ANO4: variants seen among roughly 807,000 people sequenced by gnomAD.
The protein encoded by ANO4 is anoctamin-4.
ANO4 carries 69 observed loss-of-function variants against 141.9 expected under a neutral mutation model. That is an observed-to-expected ratio of 0.49 (90% CI 0.40 to 0.59). The LOEUF (loss-of-function observed/expected upper bound fraction) is 0.59. Among genes scored for constraint, ANO4 ranks in the 20% least tolerant of loss-of-function variants. The pLI, the probability that ANO4 is intolerant of heterozygous loss-of-function variation, is 0.00. For synonymous variants in ANO4, 350 were observed against 394.3 expected (o/e 0.89, Z 1.33); for missense variants, 894 against 1,162.2 (o/e 0.77, Z 3.36).
intron 1 of ANO4, among the ~76,000 whole-genome samples, chr12:100,874,621 G>C (rs2135937358): frequency 6.6e-6 from 1 of 152,282 alleles, no homozygotes; most frequent in Admixed American, 6.5e-5. Flanking sequence ...CTGGGTTCAA[G>C]TGATGCTCCT....
chr12:100,762,373 G>T (rs79868007), intron 3 of ANO4, among the ~76,000 whole-genome samples: 1 of 152,092 alleles, frequency 6.6e-6, no homozygotes, highest in Non-Finnish European at 1.5e-5. Flanking sequence ...GCCACCTCAG[G>T]CACAATTTGA....
At chr12:100,842,924 CA>C (rs2037358449) in intron 1 of ANO4, among the ~76,000 whole-genome samples, 2 of 152,080 alleles carry the variant, frequency 1.3e-5, no homozygotes, top group Non-Finnish European at 2.9e-5. Flanking sequence ...ACTTTCAAAC[CA>C]TGGTATATTC....
At chr12:100,721,178 A>C (rs550326576) in intron 1 of ANO4, among the ~76,000 whole-genome samples, 2 of 152,084 alleles carry the variant, frequency 1.3e-5, no homozygotes, top group East Asian at 3.9e-4. Flanking sequence ...GTCCAAAACA[A>C]CCCCCATCTT....
chr12:101,040,223 C>G, intron 11 of ANO4, 147 bp downstream of exon 11: 1 of 1,033,622 alleles, frequency 9.7e-7, no homozygotes. Flanking sequence ...GGAAACTCAT[C>G]TGAGGACATC....
At chr12:100,767,444 G>A (rs2033135173) in intron 3 of ANO4, among the ~76,000 whole-genome samples, 1 of 152,110 alleles carries the variant, frequency 6.6e-6, no homozygotes, top group Non-Finnish European at 1.5e-5. Context: ...CAAATTGCTA[G>A]CATCTCATTT....
chr12:101,081,881 T>C (rs1196090297), intron 15 of ANO4, among the ~76,000 whole-genome samples: 2 of 152,162 alleles, frequency 1.3e-5, no homozygotes, highest in African/African-American at 4.8e-5. Context: ...CCTCTTCTTA[T>C]AAAGACACCA....
chr12:100,789,284 C>A (rs1391709860), intron 3 of ANO4, among the ~76,000 whole-genome samples: 1 of 152,076 alleles, frequency 6.6e-6, no homozygotes, highest in Non-Finnish European at 1.5e-5. Flanking sequence ...TCAAGGCCTT[C>A]CCACTCCACT....
At chr12:100,967,053 A>G (rs1336021602) in intron 5 of ANO4, among the ~76,000 whole-genome samples, 5 of 152,074 alleles carry the variant, frequency 3.3e-5, no homozygotes, top group Non-Finnish European at 7.4e-5. Context: ...GAAGGTTTTC[A>G]GTATGTTCTT....
intron 3 of ANO4, among the ~76,000 whole-genome samples, chr12:100,755,659 T>C (rs527636534): frequency 6.6e-6 from 1 of 152,216 alleles, no homozygotes; most frequent in Admixed American, 6.5e-5. Flanking sequence ...TTTTTTATTA[T>C]CTTCATCTAA....
At chr12:101,043,446 A>G in intron 12 of ANO4, 93 bp from the exon 13 acceptor site, 3 of 867,914 alleles carry the variant, frequency 3.5e-6, no homozygotes, top group Non-Finnish European at 5.7e-6. Flanking sequence ...CATTTAACCT[A>G]CTGGATCTTA....
intron 14 of ANO4, among the ~76,000 whole-genome samples, chr12:101,048,899 A>C (rs1047736807): frequency 6.6e-6 from 1 of 152,202 alleles, no homozygotes; most frequent in African/African-American, 2.4e-5. Flanking sequence ...GGAAACAGTC[A>C]AATATTTGGA....
intron 9 of ANO4, 50 bp from the exon 10 acceptor site, chr12:101,037,045 T>C: frequency 6.5e-7 from 1 of 1,545,624 alleles, no homozygotes. Flanking sequence ...TTGAACATTG[T>C]GAGTATTCAA....
chr12:101,126,971 G>A lies in ANO4; in HGVS notation c.2769G>A (p.Leu923=), dbSNP rs771876334. ...ATCGAATGAGAAGAGAGAAGTACTTGATTCAGGAGATGATGTATGAAGCAG... is the reference window on the plus strand; with the variant it reads ...ATCGAATGAGAAGAGAGAAGTACTTAATTCAGGAGATGATGTATGAAGCAG... ...LRDRMRREKY[L]IQEMMYEAEL... The change falls in exon 27 of 28, where the codon TTG becomes TTA. Residue 923 remains leucine, a synonymous_variant. Coordinates refer to ENST00000392977, the MANE Select transcript of ANO4 (RefSeq NM_001286615.2). 34 of 1,614,042 alleles carry A rather than the reference G, an allele frequency of 2.1e-5. No individual in the cohort carries two copies. In the Admixed American group the frequency reaches 3.7e-4, roughly 17 times the overall value.
intron 1 of ANO4, among the ~76,000 whole-genome samples, chr12:100,812,105 T>C (rs2035475991): frequency 6.6e-6 from 1 of 152,214 alleles, no homozygotes; most frequent in Non-Finnish European, 1.5e-5. Context: ...CTTTGAATCA[T>C]GAATCGTTCT....
intron 17 of ANO4, among the ~76,000 whole-genome samples, chr12:101,088,751 C>G (rs1324990627): frequency 6.6e-6 from 1 of 151,770 alleles, no homozygotes; most frequent in Non-Finnish European, 1.5e-5. Context: ...TTTAATTAGC[C>G]AGGTGGCACA....
chr12:100,768,268 G>T (rs1279203547), intron 3 of ANO4, among the ~76,000 whole-genome samples: 1 of 152,178 alleles, frequency 6.6e-6, no homozygotes, highest in Non-Finnish European at 1.5e-5. Flanking sequence ...CATTCAGAGG[G>T]TATCTCCACA....
chr12:100,847,414 T>C (rs1427074235), intron 1 of ANO4, among the ~76,000 whole-genome samples: 2 of 152,192 alleles, frequency 1.3e-5, no homozygotes, highest in East Asian at 3.8e-4. Flanking sequence ...TTCTTTTGTT[T>C]TCATGTCAGA....
chr12:100,969,324 A>G (rs1435822567), intron 5 of ANO4, among the ~76,000 whole-genome samples: 1 of 152,204 alleles, frequency 6.6e-6, no homozygotes, highest in East Asian at 1.9e-4. Flanking sequence ...GCCAGAAGAT[A>G]AAACCTCATT....
intron 7 of ANO4, among the ~76,000 whole-genome samples, chr12:100,984,338 T>C (rs899914474): frequency 6.6e-6 from 1 of 152,186 alleles, no homozygotes; most frequent in African/African-American, 2.4e-5. Context: ...CCCAGCACTT[T>C]GGGAGGCCAA....
Sources: allele counts gnomAD v4.1 joint callset (sites outside exome capture counted in the v4.1 genomes callset), GRCh38; gene constraint gnomAD v4.1.1; transcripts MANE v1.5; gene names NCBI Gene and HGNC (gene_info 2026-07-23, HGNC 2026-07-21).